The following MAP1B variants were observed in gnomAD, a reference collection of about 807,000 sequenced individuals.
MAP1B encodes the protein microtubule-associated protein 1B.
Under a neutral mutation model 176.1 loss-of-function variants are expected in MAP1B, and 12 were observed. The ratio of observed to expected loss-of-function variants is 0.07; its 90% CI spans 0.04 to 0.11. The LOEUF is 0.11. Among genes scored for constraint, MAP1B ranks in the 10% least tolerant of loss-of-function variants. The probability of loss-of-function intolerance (pLI) is 1.00; values close to 1 mark genes in which losing one functional copy is unlikely to be tolerated. For missense variants in MAP1B, 2,523 were observed against 2,990.5 expected (o/e 0.84, Z 3.65); for synonymous variants, 1,044 against 1,135.0 (o/e 0.92, Z 1.61).
At chr5:72,180,268 C>T (rs560346834) in intron 2 of MAP1B, among the ~76,000 whole-genome samples, 154 of 152,240 alleles carry the variant, frequency 1.0e-3, no homozygotes, top group African/African-American at 3.5e-3. Context: ...ACAGTCATAC[C>T]CGGACACTGC....
intron 5 of MAP1B, among the ~76,000 whole-genome samples, chr5:72,201,129 G>A (rs1309433136): frequency 6.6e-6 from 1 of 152,080 alleles, no homozygotes; most frequent in Admixed American, 6.5e-5. Context: ...TTGGGAGGCT[G>A]AGATGGAAGG....
In MAP1B at chr5:72,151,190, A is replaced by G. The variant is rs181578248; in HGVS notation, c.287-32553A>G. On this transcript the variant is annotated intron_variant, in intron 2 of 6. Transcript: ENST00000296755. ...GTGGGCATATTTGAAGAGGGACCAA[A>G]CAGAAGGAAGAATCTTGCTTTATAA... Among the ~76,000 whole-genome samples the G allele has an allele frequency of 3.8e-4, 58 of 152,238 alleles. 1 individual carries two copies. In the East Asian group the frequency reaches 8.3e-3, roughly 22 times the overall value.
chr5:72,205,339 G>T lies in MAP1B; in HGVS notation c.*100G>T, dbSNP rs750262423. 2.6e-4 allele frequency: 326 copies of T among 1,231,670 alleles called. 1 individual carries two copies. Among genetic ancestry groups the T allele is most frequent in the Non-Finnish European group, 3.6e-4 (317 of 872,942 alleles). 76.3% of individuals were successfully genotyped at this position (1,231,670 alleles called of 1,614,324 possible). A position where few individuals can be genotyped will look rare whatever the true frequency, so the allele number is the denominator to read the frequency against. ...AAAAGTCAATTCATCTAGTTAAGTC[G>T]CTGAACAATTACCTGCCAAATGCTA... On this transcript the variant is annotated 3_prime_UTR_variant, in exon 7 of 7. Transcript: ENST00000296755.
chr5:72,126,056 A>G (rs1745624436), intron 2 of MAP1B, among the ~76,000 whole-genome samples: 3 of 152,326 alleles, frequency 2.0e-5, no homozygotes. Context: ...ATGTGAAGTA[A>G]TTGTTTCACT....
Position 72,198,870 on chromosome 5 carries a change from G to A in MAP1B, c.5515G>A (p.Asp1839Asn), listed in dbSNP as rs754067983. The change falls in exon 5 of 7, where the codon GAT (aspartate) becomes AAT (asparagine). Residue 1839 changes from aspartate to asparagine, a missense_variant. Around this residue, in one of 4 missense-constraint regions of MAP1B, gnomAD observed 1,925 missense variants for 2,126.0 expected, o/e 0.91. Coordinates refer to ENST00000296755, the MANE Select transcript of MAP1B (RefSeq NM_005909.5). ...TGGCTTCCGTGCCTCAGTGTTATTC[G>A]ATACAATGCAACACCATCTAGCCTT... ...PYGFRASVLF[D>N]TMQHHLALNR... 1.2e-5 allele frequency: 20 copies of A among 1,614,182 alleles called. No homozygotes were observed. The highest frequency in any genetic ancestry group is 2.2e-5 in the South Asian group (2 of 91,078).
intron 2 of MAP1B, among the ~76,000 whole-genome samples, chr5:72,148,129 A>T (rs1746078518): frequency 6.6e-6 from 1 of 152,222 alleles, no homozygotes; most frequent in African/African-American, 2.4e-5. Flanking sequence ...TTAAGATTTT[A>T]AAAATGGAAA....
intron 2 of MAP1B, among the ~76,000 whole-genome samples, chr5:72,157,196 A>G (rs921957633): frequency 6.6e-6 from 1 of 152,124 alleles, no homozygotes; most frequent in African/African-American, 2.4e-5. Context: ...GTCTTGACCT[A>G]CTTTTCCTAC....
chr5:72,123,731 G>A (rs964029933), intron 2 of MAP1B, among the ~76,000 whole-genome samples: 7 of 152,024 alleles, frequency 4.6e-5, no homozygotes, highest in Non-Finnish European at 7.4e-5. Context: ...TGATCTGCCC[G>A]CCTCGGCCTC....
At chr5:72,202,097 AT>A (rs1343747627) in intron 5 of MAP1B, among the ~76,000 whole-genome samples, 2 of 152,228 alleles carry the variant, frequency 1.3e-5, no homozygotes, top group Non-Finnish European at 2.9e-5. Flanking sequence ...GTTAATTTTC[AT>A]TTATTTTGGA....
In MAP1B at chr5:72,197,240, C is replaced by T. The variant is rs755777850; in HGVS notation, c.3885C>T (p.Ala1295=). The change falls in exon 5 of 7, where the codon GCC becomes GCT. Residue 1295 remains alanine, a synonymous_variant. Transcript: ENST00000296755. ...EIKVSAEAEV[A]PVSPEVTQEV... ...AAGTCTCTGCAGAGGCAGAAGTAGCCCCGGTGTCTCCTGAGGTGACCCAAG... is the reference window on the plus strand; with the variant it reads ...AAGTCTCTGCAGAGGCAGAAGTAGCTCCGGTGTCTCCTGAGGTGACCCAAG... The T allele has an allele frequency of 6.2e-7, 1 of 1,614,160 alleles. No individual in the cohort carries two copies. The highest frequency in any genetic ancestry group is 8.5e-7 in the Non-Finnish European group (1 of 1,180,042).
At chr5:72,139,484 C>T (rs1745902078) in intron 2 of MAP1B, among the ~76,000 whole-genome samples, 1 of 152,182 alleles carries the variant, frequency 6.6e-6, no homozygotes, top group South Asian at 2.1e-4. Flanking sequence ...ACTTTCTAGC[C>T]CTGCAAGGTA....
At chr5:72,136,278 A>G (rs1745835949) in intron 2 of MAP1B, among the ~76,000 whole-genome samples, 1 of 152,194 alleles carries the variant, frequency 6.6e-6, no homozygotes, top group South Asian at 2.1e-4. Context: ...CATACAGGAC[A>G]GCTCTCTTAC....
chr5:72,121,733 G>T (rs1745533402), intron 2 of MAP1B, among the ~76,000 whole-genome samples: 1 of 152,228 alleles, frequency 6.6e-6, no homozygotes, highest in African/African-American at 2.4e-5. Context: ...TCTCTGTCTA[G>T]ACTTGTGTGT....
At chr5:72,143,980 C>A (rs1005080599) in intron 2 of MAP1B, among the ~76,000 whole-genome samples, 2 of 152,160 alleles carry the variant, frequency 1.3e-5, no homozygotes, top group Admixed American at 6.5e-5. Context: ...TCCAGTGTCA[C>A]GTGGCGTGTT....
intron 2 of MAP1B, among the ~76,000 whole-genome samples, chr5:72,125,318 T>G (rs1458921724): frequency 6.6e-6 from 1 of 151,942 alleles, no homozygotes; most frequent in African/African-American, 2.4e-5. Context: ...GCATATGTGT[T>G]TGTGTGTGTG....
At chr5:72,107,759 C>T in intron 1 of MAP1B, 44 bp downstream of exon 1, 1 of 1,588,972 alleles carries the variant, frequency 6.3e-7, no homozygotes, top group Non-Finnish European at 8.5e-7. Flanking sequence ...GGGAGACGCG[C>T]AAACACGACC....
intron 1 of MAP1B, among the ~76,000 whole-genome samples, chr5:72,114,139 A>G (rs1432747267): frequency 6.6e-6 from 1 of 152,184 alleles, no homozygotes; most frequent in East Asian, 1.9e-4. Context: ...ATTTGAAAAT[A>G]TTCCTCCTGG....
At chr5:72,165,780 A>G (rs116360157) in intron 2 of MAP1B, among the ~76,000 whole-genome samples, 6 of 152,348 alleles carry the variant, frequency 3.9e-5, no homozygotes, top group Non-Finnish European at 1.5e-5. Flanking sequence ...GAAAAAGCTC[A>G]TAAGTGTATC....
intron 2 of MAP1B, among the ~76,000 whole-genome samples, chr5:72,161,993 GA>G (rs1364697079): frequency 2.1e-4 from 30 of 141,572 alleles, no homozygotes; most frequent in African/African-American, 7.7e-4. Flanking sequence ...AAGAAAGAAA[GA>G]AAAGAAAAAA....
Sources: gnomAD v4.1 joint callset for allele counts (sites outside exome capture counted in the v4.1 genomes callset) on GRCh38, gnomAD v4.1.1 for gene constraint, gnomAD v4.1.1 regional missense constraint, MANE v1.5 for transcripts, NCBI Gene and HGNC (gene_info 2026-07-23, HGNC 2026-07-21) for gene names.